CAMTA1: variants seen among roughly 807,000 people sequenced by gnomAD.
CAMTA1 encodes the protein calmodulin binding transcription activator 1.
A neutral mutation model predicts 170.9 loss-of-function variants in CAMTA1; 27 were observed. That is an observed-to-expected ratio of 0.16 (90% CI 0.12 to 0.22). The LOEUF is 0.22. Ranked by LOEUF, CAMTA1 falls within the 10% of genes least tolerant of loss-of-function variation. The pLI, the probability that CAMTA1 is intolerant of heterozygous loss-of-function variation, is 1.00. For missense variants in CAMTA1, 1,619 were observed against 2,217.2 expected, an observed-to-expected ratio of 0.73 and a Z score of 5.42; for synonymous variants, 833 against 891.5, an observed-to-expected ratio of 0.93 and a Z score of 1.17.
intron 5 of CAMTA1, among the ~76,000 whole-genome samples, chr1:7,279,196 G>A (rs749628260): frequency 2.0e-5 from 3 of 152,154 alleles, no homozygotes; most frequent in Non-Finnish European, 2.9e-5. Flanking sequence ...GAACGATGGG[G>A]CCCATGAAAG....
intron 5 of CAMTA1, among the ~76,000 whole-genome samples, chr1:7,433,355 G>A (rs184098521): frequency 1.5e-4 from 23 of 152,342 alleles, no homozygotes; most frequent in Non-Finnish European, 3.2e-4. Flanking sequence ...CCATTCCTCT[G>A]CAGCCCTTCA....
intron 3 of CAMTA1, among the ~76,000 whole-genome samples, chr1:6,943,241 C>T (rs1686974290): frequency 1.3e-5 from 2 of 152,072 alleles, no homozygotes; most frequent in South Asian, 2.1e-4. Context: ...CCTCACCTGG[C>T]GTCCAGGACA....
chr1:7,506,390 C>T (rs1413216437), intron 6 of CAMTA1, among the ~76,000 whole-genome samples: 1 of 152,168 alleles, frequency 6.6e-6, no homozygotes, highest in South Asian at 2.1e-4. Flanking sequence ...AACCCACCAC[C>T]GGACACCTGT....
rs188837944 is a variant in CAMTA1, at chr1:6,838,919, G to C, written c.234+13709G>C. 2.0e-3 allele frequency among the ~76,000 whole-genome samples: 297 copies of C among 152,160 alleles called. 1 individual carries two copies. Among genetic ancestry groups the C allele is most frequent in the African/African-American group, 6.9e-3 (286 of 41,532 alleles). On this transcript the variant is annotated intron_variant, in intron 3 of 22. Transcript: ENST00000303635. ...CTACAGGCATGGGACACCATGCCTG[G>C]CAACGTTTTTTATTTTTTGTGGAGA...
rs944403949 is a variant in CAMTA1 at position 7,338,743 on chromosome 1, G to A, written c.438+89117G>A. 5.3e-5 allele frequency among the ~76,000 whole-genome samples: 8 copies of A among 152,184 alleles called. No homozygotes were observed. The East Asian group carries it at 5.8e-4, about 11-fold the overall frequency. ...CCTGTGCAGCGTAGATGGACTTAAC[G>A]CCACCAAAACATGCACTTAACGGTG... On this transcript the variant is annotated intron_variant, in intron 5 of 22. Transcript: ENST00000303635.
intron 3 of CAMTA1, among the ~76,000 whole-genome samples, chr1:6,947,322 G>C (rs984262364): frequency 4.0e-5 from 6 of 151,872 alleles, no homozygotes; most frequent in African/African-American, 1.5e-4. Context: ...TTGTATATGG[G>C]AATGCATCCC....
At position 7,065,483 on chromosome 1, in the gene CAMTA1, A is replaced by G. The variant is rs1361343175; in HGVS notation, c.235-25821A>G. On this transcript the variant is annotated intron_variant, in intron 3 of 22. Coordinates refer to ENST00000303635, the MANE Select transcript of CAMTA1 (RefSeq NM_015215.4). This position sits in a 1 kb window ranked among gnomAD's most constrained non-coding sequence, Gnocchi z 5.2. ...GAGGGCTGGAGGAAGAAAGGAAGAG[A>G]AACTAATTTTGACTGGGCAACTATG... 1.3e-5 allele frequency among the ~76,000 whole-genome samples: 2 copies of G among 152,170 alleles called. No homozygotes were observed. Among genetic ancestry groups the G allele is most frequent in the Non-Finnish European group, 2.9e-5 (2 of 68,032 alleles).
At chr1:6,871,444 A>G (rs958009483) in intron 3 of CAMTA1, among the ~76,000 whole-genome samples, 2 of 152,226 alleles carry the variant, frequency 1.3e-5, no homozygotes. Flanking sequence ...CTGTGACCAC[A>G]TTAGATTTCT....
intron 1 of CAMTA1, among the ~76,000 whole-genome samples, chr1:6,790,514 G>A (rs543050341): frequency 1.3e-5 from 2 of 152,178 alleles, no homozygotes; most frequent in African/African-American, 2.4e-5. Context: ...TTGAACGGCA[G>A]CATCGCACTA....
At chr1:7,595,780 G>C (rs2095394947) in intron 6 of CAMTA1, among the ~76,000 whole-genome samples, 1 of 152,236 alleles carries the variant, frequency 6.6e-6, no homozygotes, top group Non-Finnish European at 1.5e-5. Context: ...GAGCTCAAGA[G>C]ATCTGAGTGT....
At chr1:7,180,756 T>C (rs2148885826) in intron 4 of CAMTA1, among the ~76,000 whole-genome samples, 1 of 152,264 alleles carries the variant, frequency 6.6e-6, no homozygotes, top group Non-Finnish European at 1.5e-5. Flanking sequence ...AAACGGTCCA[T>C]CTGTCTTGGC....
At chr1:6,899,419 A>G (rs1676370779) in intron 3 of CAMTA1, among the ~76,000 whole-genome samples, 1 of 152,272 alleles carries the variant, frequency 6.6e-6, no homozygotes, top group Non-Finnish European at 1.5e-5. Flanking sequence ...AATCAGACCA[A>G]ACAGTGTGAT....
chr1:7,410,905 G>C (rs1000117632), intron 5 of CAMTA1, among the ~76,000 whole-genome samples: 31 of 132,180 alleles, frequency 2.3e-4, no homozygotes, highest in African/African-American at 1.2e-3. Flanking sequence ...GTCTGTGTGT[G>C]TGTGTGTGTG....
At chr1:6,929,605 C>T (rs574191685) in intron 3 of CAMTA1, among the ~76,000 whole-genome samples, 45 of 152,056 alleles carry the variant, frequency 3.0e-4, no homozygotes, top group African/African-American at 9.9e-4. Flanking sequence ...CCTCGTGATC[C>T]GCCCGCCTCG....
chr1:7,326,678 C>G (rs900679365), intron 5 of CAMTA1, among the ~76,000 whole-genome samples: 1 of 152,220 alleles, frequency 6.6e-6, no homozygotes. Context: ...AAGATTCTCC[C>G]TCACAGCCTT....
intron 5 of CAMTA1, among the ~76,000 whole-genome samples, chr1:7,338,798 A>G (rs1049378261): frequency 8.5e-5 from 13 of 152,248 alleles, no homozygotes; most frequent in African/African-American, 3.1e-4. Flanking sequence ...TGTGATGTCT[A>G]TTGGACTAGT....
intron 3 of CAMTA1, among the ~76,000 whole-genome samples, chr1:6,910,582 G>C (rs1679484951): frequency 6.6e-6 from 1 of 152,216 alleles, no homozygotes; most frequent in Non-Finnish European, 1.5e-5. Context: ...TTGGGCCTGA[G>C]CTGTTGGAAA....
chr1:7,552,573 G>A (rs1194577958), intron 6 of CAMTA1, among the ~76,000 whole-genome samples: 6 of 152,246 alleles, frequency 3.9e-5, no homozygotes, highest in African/African-American at 1.2e-4. Context: ...AAGCTGGCTC[G>A]CCTGGGCTTC....
intron 4 of CAMTA1, among the ~76,000 whole-genome samples, chr1:7,230,432 A>G (rs1175049117): frequency 6.3e-4 from 24 of 38,194 alleles, no homozygotes; most frequent in African/African-American, 2.1e-3. Flanking sequence ...CTCTGGGCTG[A>G]CCCCCCCCCC....
Sources: allele counts gnomAD v4.1 joint callset (sites outside exome capture counted in the v4.1 genomes callset), GRCh38; gene constraint gnomAD v4.1.1; non-coding constraint Gnocchi (gnomAD v3.1); transcripts MANE v1.5; gene names NCBI Gene and HGNC (gene_info 2026-07-23, HGNC 2026-07-21).